Variants in GUCY2D observed in about 807,000 individuals in gnomAD.
GUCY2D encodes the protein guanylate cyclase 2D, retinal.
GUCY2D carries 70 observed loss-of-function variants against 101.3 expected under a neutral mutation model. That is an observed-to-expected ratio of 0.69 (90% CI 0.57 to 0.84). The LOEUF (loss-of-function observed/expected upper bound fraction) is 0.84, where lower values mean the gene tolerates loss of function less well. Among genes scored for constraint, GUCY2D ranks in the 40% least tolerant of loss-of-function variants. The pLI is 0.00. For missense variants in GUCY2D, 1,460 were observed against 1,542.5 expected (o/e 0.95, Z 0.90); for synonymous variants, 688 against 670.7 (o/e 1.03, Z -0.40).
chr17:8,012,148 A>G lies in GUCY2D; in HGVS notation c.1754A>G (p.Gln585Arg). 6.2e-7 allele frequency: 1 copy of G among 1,612,488 alleles called. No individual in the cohort carries two copies. Among genetic ancestry groups the G allele is most frequent in the African/African-American group, 1.3e-5 (1 of 74,980 alleles). ...PATKTAFSKL[Q>R]ELRHENVALY... ...AGTCAACTCTCCCCCTCTCAGCTCC[A>G]GGAGCTCCGGCATGAGAACGTGGCC... The change falls in exon 9 of 20, where the codon CAG becomes CGG. Residue 585 changes from glutamine to arginine, a missense_variant. Physicochemically the swap from Gln to Arg is conservative, Grantham distance 43 (BLOSUM62 1). Coordinates refer to ENST00000254854, the MANE Select transcript of GUCY2D (RefSeq NM_000180.4).
chr17:8,016,835 G>C (rs1427875132), intron 19 of GUCY2D: 2 of 420,562 alleles, frequency 4.8e-6, no homozygotes, highest in Non-Finnish European at 8.7e-6. Flanking sequence ...CCTGGCTTCC[G>C]CAGAAGCCTC....
Position 8,015,038 on chromosome 17 carries a change from ACGATGT to A in GUCY2D, c.2758_2763del (p.Asp920_Val921del). ...CTCTTTGATGCCATCATTGGTTCCC[ACGATGT>A]CTACAAGGTGCAGTGTGTAGGGGAC... On this transcript the variant is annotated inframe_deletion, in exon 14 of 20. Coordinates refer to ENST00000254854, the MANE Select transcript of GUCY2D (RefSeq NM_000180.4). 3 of 1,613,720 alleles carry A rather than the reference ACGATGT, an allele frequency of 1.9e-6. No homozygotes were observed. The highest frequency in any genetic ancestry group is 2.5e-6 in the Non-Finnish European group (3 of 1,179,892).
intron 19 of GUCY2D, 130 bp downstream of exon 19, chr17:8,016,684 T>G: frequency 3.3e-6 from 2 of 599,946 alleles, no homozygotes; most frequent in Non-Finnish European, 5.9e-6. Context: ...ACCCCGGGGC[T>G]TCCCCTGGGA....
In GUCY2D at chr17:8,011,995, G is replaced by GCC. The variant is rs1975859203; in HGVS notation, c.1750-145_1750-144dup. 1 of 657,846 alleles carries GCC rather than the reference G, an allele frequency of 1.5e-6. No homozygotes were observed. The highest frequency in any genetic ancestry group is 2.8e-6 in the Non-Finnish European group (1 of 362,288). The allele number at this position is 657,846 out of a possible 1,614,324, so 40.8% of individuals were successfully genotyped here. A position where few individuals can be genotyped will look rare whatever the true frequency, so the allele number is the denominator to read the frequency against. Reference sequence around the variant, plus strand: ...AAAATAGGACTATGTGTAGAAGAGAGCCCCCGTACATACCTTATCAACCAT... The same window carrying GCC: ...AAAATAGGACTATGTGTAGAAGAGAGCCCCCCCGTACATACCTTATCAACCAT... On this transcript the variant is annotated intron_variant, in intron 8 of 19. Transcript: ENST00000254854. The surrounding 1 kb of genome is among the most constrained non-coding windows in gnomAD (Gnocchi z 4.3).
chr17:8,013,913 T>G lies in GUCY2D; in HGVS notation c.2297T>G (p.Leu766Arg). The G allele has an allele frequency of 6.2e-7, 1 of 1,613,662 alleles. No homozygotes were observed. The highest frequency in any genetic ancestry group is 8.5e-7 in the Non-Finnish European group (1 of 1,179,582). ...VVQRVRSPPP[L>R]CRPLVSMDQA... ...CAGAGGGTGCGGAGCCCCCCTCCAC[T>G]GTGTCGGCCCTTGGTGTCCATGGAC... Residue 766 changes from leucine (L) to arginine (R), a missense_variant, in exon 12 of 20, where the codon CTG becomes CGG. Leu to Arg is a moderately radical substitution (Grantham distance 102). Transcript: ENST00000254854. The surrounding 1 kb of genome is among the most constrained non-coding windows in gnomAD (Gnocchi z 5.0).
At chr17:8,012,013 T>C in intron 8 of GUCY2D, 131 bp from the exon 9 acceptor site, 1 of 717,714 alleles carries the variant, frequency 1.4e-6, no homozygotes, top group South Asian at 1.6e-5. Context: ...ACATACCTTA[T>C]CAACCATTTC....
At chr17:8,006,277 T>G (rs1975735220) in intron 3 of GUCY2D, 86 bp from the exon 4 acceptor site, 2 of 995,208 alleles carry the variant, frequency 2.0e-6, no homozygotes, top group East Asian at 4.8e-5. Flanking sequence ...CAACAGTGGA[T>G]ACCCTGGGCT....
rs1975665201 is a variant in GUCY2D, at chr17:8,003,220, T to G, written c.173T>G (p.Val58Gly). Reference protein sequence around the residue: ...PALSAVFTVGVLGPWACDPIF... With the variant: ...PALSAVFTVGGLGPWACDPIF... ...CTCTCCGCCGTGTTCACGGTGGGGG[T>G]CCTGGGCCCCTGGGCTTGCGACCCC... The change falls in exon 2 of 20, where the codon GTC (valine) becomes GGC (glycine). Residue 58 changes from valine to glycine, a missense_variant. Transcript: ENST00000254854. The G allele has an allele frequency of 2.6e-6, 4 of 1,519,874 alleles. No individual in the cohort carries two copies. In the African/African-American group the frequency reaches 4.3e-5, roughly 16 times the overall value. 94.1% of individuals were successfully genotyped at this position (1,519,874 alleles called of 1,614,324 possible).
intron 19 of GUCY2D, among the ~76,000 whole-genome samples, chr17:8,017,842 G>A (rs1390821647): frequency 6.6e-6 from 1 of 152,060 alleles, no homozygotes; most frequent in Non-Finnish European, 1.5e-5. Context: ...ACAGGCACCC[G>A]CCACCACGCC....
chr17:8,009,223 T>C (rs1335462207), intron 7 of GUCY2D, among the ~76,000 whole-genome samples: 1 of 152,186 alleles, frequency 6.6e-6, no homozygotes, highest in African/African-American at 2.4e-5. Flanking sequence ...ATGACACTTG[T>C]GGTTGTATTA....
rs190283426 is a variant in GUCY2D, at chr17:8,015,167, C to G, written c.2769+116C>G. The G allele has an allele frequency of 7.0e-5, 77 of 1,098,734 alleles. No homozygotes were observed. The African/African-American group carries it at 8.3e-4, about 12-fold the overall frequency. 68.1% of individuals were successfully genotyped at this position (1,098,734 alleles called of 1,614,324 possible). ...TGCCCAATCAATCTTCTTTCCCAGACCTCCTGTCCCTTATTTATTCCTCCA... is the reference window on the plus strand; with the variant it reads ...TGCCCAATCAATCTTCTTTCCCAGAGCTCCTGTCCCTTATTTATTCCTCCA... On this transcript the variant is annotated intron_variant, in intron 14 of 19. Coordinates refer to ENST00000254854, the MANE Select transcript of GUCY2D (RefSeq NM_000180.4).
chr17:8,012,100 C>A (rs746463069), intron 8 of GUCY2D, 44 bp from the exon 9 acceptor site: 7 of 1,398,454 alleles, frequency 5.0e-6, no homozygotes, highest in Non-Finnish European at 7.1e-6. Context: ...CCCTTCCCCA[C>A]ATTGCCCTGG....
Position 8,016,569 on chromosome 17 carries a change from G to T in GUCY2D, c.*24+15G>T, listed in dbSNP as rs1975983177. 10 of 1,302,194 alleles carry T rather than the reference G, an allele frequency of 7.7e-6. No homozygotes were observed. The highest frequency in any genetic ancestry group is 1.5e-5 in the African/African-American group (1 of 68,456). 80.7% of individuals were successfully genotyped at this position (1,302,194 alleles called of 1,614,324 possible). ...GCCCCGGACAGGTACTGCCCCCTCA[G>T]CCCCAACCCCAGCTGCCGCGTCCCC... On this transcript the variant is annotated intron_variant, in intron 19 of 19. Transcript: ENST00000254854.
At position 8,015,413 on chromosome 17, in the gene GUCY2D, T is replaced by C; in HGVS notation, c.2855T>C (p.Met952Thr). The change falls in exon 15 of 20, where the codon ATG (methionine) becomes ACG (threonine). Residue 952 changes from methionine to threonine, a missense_variant. This residue lies in a region of GUCY2D where 215 missense variants were observed against 227.9 expected (regional missense o/e 0.94). Coordinates refer to ENST00000254854, the MANE Select transcript of GUCY2D (RefSeq NM_000180.4). The part of the protein sequence containing the change: ...GQRHAAEIAN[M>T]SLDILSAVGT... ...CGACACGCGGCAGAGATCGCCAACATGTCACTGGACATCCTCAGTGCCGTG... is the reference window on the plus strand; with the variant it reads ...CGACACGCGGCAGAGATCGCCAACACGTCACTGGACATCCTCAGTGCCGTG... 1 of 1,613,822 alleles carries C rather than the reference T, an allele frequency of 6.2e-7. No homozygotes were observed. Among genetic ancestry groups the C allele is most frequent in the Non-Finnish European group, 8.5e-7 (1 of 1,179,946 alleles).
rs1014118881 is a variant in GUCY2D, at chr17:8,003,187, C to A, written c.140C>A (p.Pro47His). 6 of 1,517,160 alleles carry A rather than the reference C, an allele frequency of 4.0e-6. No homozygotes were observed. The highest frequency in any genetic ancestry group is 5.3e-6 in the Non-Finnish European group (6 of 1,138,522). The allele number at this position is 1,517,160 out of a possible 1,614,324, so 94.0% of individuals were successfully genotyped here. Reference protein sequence around the residue: ...PLLLLLLLLQPPALSAVFTVG... With the variant: ...PLLLLLLLLQHPALSAVFTVG... ...CTGCTGCTCCTGCTTCTGCTGCAGC[C>A]CCCCGCCCTCTCCGCCGTGTTCACG... The change falls in exon 2 of 20, where the codon CCC becomes CAC. Residue 47 changes from proline to histidine, a missense_variant. Coordinates refer to ENST00000254854, the MANE Select transcript of GUCY2D (RefSeq NM_000180.4).
At chr17:8,009,391 T>C in intron 7 of GUCY2D, 115 bp from the exon 8 acceptor site, 1 of 793,186 alleles carries the variant, frequency 1.3e-6, no homozygotes, top group Non-Finnish European at 2.3e-6. Context: ...TTTTGTCACA[T>C]GGAAGATGCA....
rs1975942786 is a variant in GUCY2D, at chr17:8,015,312, C to T, written c.2770-16C>T. On this transcript the variant is annotated splice_polypyrimidine_tract_variant and intron_variant, in intron 14 of 19. Transcript: ENST00000254854. The stretch of plus-strand genomic sequence containing the variant: ...AATGCTCAAAAGAAAATTCACACAA[C>T]TCCTTCTTCCCCCAGGTGGAGACAA... 2 of 1,601,624 alleles carry T rather than the reference C, an allele frequency of 1.2e-6. No homozygotes were observed. Among genetic ancestry groups the T allele is most frequent in the East Asian group, 4.5e-5 (2 of 44,882 alleles).
At chr17:8,008,602 G>A (rs1975790936) in intron 7 of GUCY2D, among the ~76,000 whole-genome samples, 1 of 152,126 alleles carries the variant, frequency 6.6e-6, no homozygotes, top group African/African-American at 2.4e-5. Flanking sequence ...TAGAGCTCCT[G>A]GGCTTCAGGT....
chr17:8,005,980 G>T (rs1300233054), intron 3 of GUCY2D, among the ~76,000 whole-genome samples: 3 of 152,296 alleles, frequency 2.0e-5, no homozygotes, highest in African/African-American at 7.2e-5. Flanking sequence ...GTGAATGGTA[G>T]GTGATGAGGT....
Sources: allele counts gnomAD v4.1 joint callset (sites outside exome capture counted in the v4.1 genomes callset), GRCh38; gene constraint gnomAD v4.1.1; regional missense constraint gnomAD v4.1.1; non-coding constraint Gnocchi (gnomAD v3.1); transcripts MANE v1.5; gene names NCBI Gene and HGNC (gene_info 2026-07-23, HGNC 2026-07-21).